The following KCNN2 variants were observed in gnomAD, a reference collection of about 807,000 sequenced individuals.
KCNN2 encodes the protein small conductance calcium-activated potassium channel protein 2.
KCNN2 carries 24 observed loss-of-function variants against 55.5 expected under a neutral mutation model. That is an observed-to-expected ratio of 0.43 (90% CI 0.31 to 0.61). KCNN2 has a LOEUF of 0.61. Among genes scored for constraint, KCNN2 ranks in the 20% least tolerant of loss-of-function variants. The pLI, the probability that KCNN2 is intolerant of heterozygous loss-of-function variation, is 0.08. For missense variants in KCNN2, 754 were observed against 853.6 expected (o/e 0.88, Z 1.45); for synonymous variants, 431 against 336.1 (o/e 1.28, Z -3.09).
chr5:114,091,881 G>A (rs2112556289), intron 1 of KCNN2, among the ~76,000 whole-genome samples: 1 of 152,246 alleles, frequency 6.6e-6, no homozygotes, highest in African/African-American at 2.4e-5. Context: ...TGGCACATGG[G>A]GATTTTGGGG....
chr5:114,416,138 C>G (rs950301729), intron 3 of KCNN2, among the ~76,000 whole-genome samples: 4 of 152,150 alleles, frequency 2.6e-5, no homozygotes, highest in Admixed American at 2.6e-4. Context: ...CTTTCCAGTT[C>G]TTGCGTTGCT....
chr5:114,358,522 G>A (rs1757341717), upstream of KCNN2, among the ~76,000 whole-genome samples: 1 of 152,170 alleles, frequency 6.6e-6, no homozygotes, highest in African/African-American at 2.4e-5. Context: ...AATACATTTT[G>A]TGGCTGAGTA....
chr5:114,104,812 C>T (rs2035634), intron 1 of KCNN2, among the ~76,000 whole-genome samples: 25,387 of 151,416 alleles, frequency 0.17, 2,220 homozygotes, highest in Middle Eastern at 0.22. Flanking sequence ...AAGGCAGGCT[C>T]GGGGGAGGAA....
intron 5 of KCNN2, chr5:114,486,702 AG>A: frequency 3.1e-6 from 4 of 1,282,270 alleles, no homozygotes; most frequent in Non-Finnish European, 4.1e-6. Context: ...CTGCAGGGAA[AG>A]GAAGATCATG....
At chr5:114,175,252 GC>G (rs1753112145) in intron 1 of KCNN2, among the ~76,000 whole-genome samples, 2 of 152,114 alleles carry the variant, frequency 1.3e-5, no homozygotes, top group South Asian at 4.1e-4. Flanking sequence ...GTTATAACTT[GC>G]CACGTATATG....
chr5:114,368,194 A>G (rs1343549870), intron 2 of KCNN2, among the ~76,000 whole-genome samples: 1 of 152,170 alleles, frequency 6.6e-6, no homozygotes, highest in Non-Finnish European at 1.5e-5. Context: ...GAAAATCTTA[A>G]GTATACATGG....
At chr5:114,313,171 T>G (rs1464651782) in intron 2 of KCNN2, among the ~76,000 whole-genome samples, 1 of 152,144 alleles carries the variant, frequency 6.6e-6, no homozygotes, top group Non-Finnish European at 1.5e-5. Context: ...TTTTTCATTT[T>G]CCTGTTTCCA....
At chr5:114,492,638 C>G (rs1041693243) in intron 6 of KCNN2, among the ~76,000 whole-genome samples, 4 of 152,010 alleles carry the variant, frequency 2.6e-5, no homozygotes, top group Non-Finnish European at 4.4e-5. Flanking sequence ...TTAATTGACT[C>G]TTCATCAGGT....
chr5:114,173,259 AG>A (rs1235889055), intron 1 of KCNN2, among the ~76,000 whole-genome samples: 3 of 151,832 alleles, frequency 2.0e-5, no homozygotes, highest in Non-Finnish European at 4.4e-5. Context: ...AATTTGTTTC[AG>A]GGTTCTCTAT....
At chr5:114,414,469 T>C (rs572177679) in intron 3 of KCNN2, among the ~76,000 whole-genome samples, 1 of 152,266 alleles carries the variant, frequency 6.6e-6, no homozygotes, top group African/African-American at 2.4e-5. Flanking sequence ...GCTTGCTGAC[T>C]GGTAGAGCAA....
intron 2 of KCNN2, among the ~76,000 whole-genome samples, chr5:114,298,958 A>G (rs1285622039): frequency 1.3e-5 from 2 of 152,180 alleles, no homozygotes; most frequent in Admixed American, 6.5e-5. Context: ...AGTTGAAACT[A>G]TCAGAAACAC....
chr5:114,147,780 T>G (rs910127659), intron 1 of KCNN2, among the ~76,000 whole-genome samples: 6 of 152,200 alleles, frequency 3.9e-5, no homozygotes, highest in African/African-American at 1.4e-4. Flanking sequence ...TTAAGGTGTT[T>G]AAATTGTCAG....
intron 1 of KCNN2, among the ~76,000 whole-genome samples, chr5:114,172,356 A>G (rs1173247292): frequency 6.6e-6 from 1 of 151,738 alleles, no homozygotes; most frequent in African/African-American, 2.4e-5. Flanking sequence ...GAATTATACT[A>G]TTACCTGTTA....
At chr5:114,113,034 G>A (rs1262894867) in intron 1 of KCNN2, among the ~76,000 whole-genome samples, 1 of 151,992 alleles carries the variant, frequency 6.6e-6, no homozygotes, top group African/African-American at 2.4e-5. Flanking sequence ...TATTAAAGAT[G>A]GGTAGTGATT....
chr5:114,450,672 G>A (rs1462704398), intron 3 of KCNN2, among the ~76,000 whole-genome samples: 1 of 152,146 alleles, frequency 6.6e-6, no homozygotes, highest in Admixed American at 6.5e-5. Context: ...CATTACTAGA[G>A]TCCCAGCTGC....
intron 2 of KCNN2, among the ~76,000 whole-genome samples, chr5:114,229,935 A>C (rs1561532146): frequency 6.6e-6 from 1 of 152,174 alleles, no homozygotes. Context: ...GTACAGCTGG[A>C]ACACACGTAA....
chr5:114,429,601 T>G (rs1759730538), intron 3 of KCNN2, among the ~76,000 whole-genome samples: 1 of 152,086 alleles, frequency 6.6e-6, no homozygotes, highest in Non-Finnish European at 1.5e-5. Flanking sequence ...CTTTTAAGTT[T>G]AATGAAGGCC....
chr5:114,135,726 AAAAG>A (rs1471700766), intron 1 of KCNN2, among the ~76,000 whole-genome samples: 1 of 152,230 alleles, frequency 6.6e-6, no homozygotes, highest in Non-Finnish European at 1.5e-5. Context: ...AAATTAAACA[AAAAG>A]AAATCTACTG....
chr5:114,115,115 A>G (rs1751685230), intron 1 of KCNN2, among the ~76,000 whole-genome samples: 1 of 152,122 alleles, frequency 6.6e-6, no homozygotes. Context: ...GCTCTGAATG[A>G]ATTTAGTAAG....
Sources: allele counts gnomAD v4.1 joint callset (sites outside exome capture counted in the v4.1 genomes callset), GRCh38; gene constraint gnomAD v4.1.1; transcripts MANE v1.5; gene names NCBI Gene and HGNC (gene_info 2026-07-23, HGNC 2026-07-21).